Variants in SFXN5 observed in about 807,000 individuals in gnomAD.
The protein encoded by SFXN5 is sideroflexin-5.
SFXN5 carries 43 observed loss-of-function variants against 50.2 expected under a neutral mutation model. The ratio of observed to expected loss-of-function variants is 0.86; its 90% confidence interval spans 0.67 to 1.11. SFXN5 has a LOEUF of 1.11. SFXN5 is among the 50% of genes least tolerant of loss of function. SFXN5 has a pLI of 0.00. For missense variants in SFXN5, 463 were observed against 454.1 expected (o/e 1.02, Z -0.18); for synonymous variants, 203 against 185.8 (o/e 1.09, Z -0.75).
chr2:72,971,598 A>G lies in SFXN5; in HGVS notation c.713T>C (p.Val238Ala). The G allele has an allele frequency of 6.2e-7, 1 of 1,613,988 alleles. No homozygotes were observed. The highest frequency in any genetic ancestry group is 8.5e-7 in the Non-Finnish European group (1 of 1,179,952). Residue 238 changes from valine to alanine, a missense_variant, in exon 11 of 14, where the codon GTG (valine) becomes GCG (alanine). By Grantham distance (64) the Val-to-Ala change is moderately conservative (BLOSUM62 0). Coordinates refer to ENST00000272433, the MANE Select transcript of SFXN5 (RefSeq NM_144579.3). ...IDVLDSDGNLVGSSKIAARHA... is the reference protein window; with the variant it reads ...IDVLDSDGNLAGSSKIAARHA... ...TCGGGCTGCGATCTTGGAGGAGCCCACGAGGTTGCCATCGCTGTCCAGGAC... is the reference window on the plus strand; with the variant it reads ...TCGGGCTGCGATCTTGGAGGAGCCCGCGAGGTTGCCATCGCTGTCCAGGAC...
At chr2:72,996,556 T>G (rs1673275188) in intron 9 of SFXN5, 1 of 149,528 alleles carries the variant, frequency 6.7e-6, no homozygotes, top group African/African-American at 2.5e-5. Context: ...TCGCCCAGTC[T>G]GGAGTGCAGG....
At chr2:72,970,157 G>A (rs922925845) in intron 11 of SFXN5, among the ~76,000 whole-genome samples, 2 of 152,208 alleles carry the variant, frequency 1.3e-5, no homozygotes, top group African/African-American at 4.8e-5. Flanking sequence ...GGGGGGCTGG[G>A]GAAAAGAACA....
intron 1 of SFXN5, among the ~76,000 whole-genome samples, chr2:73,067,059 GAA>G (rs1467841838): frequency 0.047 from 7,018 of 150,916 alleles, 426 homozygotes; most frequent in African/African-American, 0.14. Flanking sequence ...TAAAAAAAAA[GAA>G]AAAACAAATA....
Position 72,945,217 on chromosome 2 carries a change from C to T in SFXN5, c.946-118G>A. 1.1e-6 allele frequency: 1 copy of T among 892,146 alleles called. No homozygotes were observed. Among genetic ancestry groups the T allele is most frequent in the Admixed American group, 2.2e-5 (1 of 46,494 alleles). 55.3% of individuals were successfully genotyped at this position (892,146 alleles called of 1,614,324 possible). ...AGCTCTGCCCCCTGCACCCCCGTGT[C>T]CACCCCAGCCAGGGCTCACATGCCC... On this transcript the variant is annotated intron_variant, in intron 13 of 13. Coordinates refer to ENST00000272433, the MANE Select transcript of SFXN5 (RefSeq NM_144579.3). This position sits in a 1 kb window ranked among gnomAD's most constrained non-coding sequence, Gnocchi z 5.8.
intron 6 of SFXN5, chr2:73,019,490 G>A (rs530507735): frequency 2.0e-5 from 3 of 146,668 alleles, no homozygotes; most frequent in Non-Finnish European, 4.5e-5. Context: ...GTGCACTGGC[G>A]CGATCTCGGC....
At chr2:72,971,235 G>A (rs1223956094) in intron 11 of SFXN5, among the ~76,000 whole-genome samples, 3 of 152,038 alleles carry the variant, frequency 2.0e-5, no homozygotes, top group Non-Finnish European at 2.9e-5. Context: ...GGTAGGGCCC[G>A]GGCAGAGGCA....
At chr2:73,023,264 T>C (rs1346957777) in intron 3 of SFXN5, 50 bp from the exon 4 acceptor site, 3 of 1,541,162 alleles carry the variant, frequency 1.9e-6, no homozygotes, top group Admixed American at 1.9e-5. Context: ...ATTAAAAGCA[T>C]ATATCGGTTT....
chr2:72,971,903 C>T (rs1670051156), intron 10 of SFXN5, among the ~76,000 whole-genome samples: 1 of 152,194 alleles, frequency 6.6e-6, no homozygotes, highest in South Asian at 2.1e-4. Flanking sequence ...TGGAAAAGAA[C>T]AGGTATCAGG....
At chr2:73,071,524 G>C (rs1161925900) in intron 1 of SFXN5, 80 bp downstream of exon 1, 3 of 1,371,464 alleles carry the variant, frequency 2.2e-6, no homozygotes, top group Non-Finnish European at 3.0e-6. Flanking sequence ...AGACCCTTGG[G>C]CGGAAGGGGA....
At chr2:72,987,143 G>A (rs775384813) in intron 10 of SFXN5, among the ~76,000 whole-genome samples, 11 of 152,026 alleles carry the variant, frequency 7.2e-5, no homozygotes, top group Middle Eastern at 6.8e-3. Context: ...TTTTTGAGAC[G>A]GAGTCTCACT....
chr2:73,030,783 A>G (rs2105881050), intron 3 of SFXN5, among the ~76,000 whole-genome samples: 1 of 152,304 alleles, frequency 6.6e-6, no homozygotes, highest in South Asian at 2.1e-4. Context: ...GCTATTACAA[A>G]TCATGTTCTG....
intron 6 of SFXN5, among the ~76,000 whole-genome samples, chr2:73,005,895 C>T (rs916771052): frequency 6.6e-6 from 1 of 151,328 alleles, no homozygotes; most frequent in Non-Finnish European, 1.5e-5. Context: ...ACTCCTGACT[C>T]CTTTTATTAA....
intron 10 of SFXN5, among the ~76,000 whole-genome samples, chr2:72,981,968 T>C (rs1393700565): frequency 1.2e-4 from 1 of 8,468 alleles, no homozygotes; most frequent in Non-Finnish European, 9.3e-4. Flanking sequence ...TGGAACTTTG[T>C]GTGTGTGTGT....
At chr2:73,049,628 C>T (rs546041129) in intron 2 of SFXN5, 40 of 152,278 alleles carry the variant, frequency 2.6e-4, no homozygotes, top group African/African-American at 9.4e-4. Flanking sequence ...TCTTAAAGAT[C>T]CCACCTCTTA....
intron 1 of SFXN5, chr2:73,059,915 A>C (rs1169089082): frequency 2.1e-6 from 2 of 961,060 alleles, no homozygotes; most frequent in Admixed American, 6.2e-5. Flanking sequence ...CATTCTTTAC[A>C]AAGGTGGATG....
intron 10 of SFXN5, among the ~76,000 whole-genome samples, chr2:72,978,461 T>G (rs1670908423): frequency 6.6e-6 from 1 of 151,980 alleles, no homozygotes; most frequent in African/African-American, 2.4e-5. Context: ...TTTTGTATTT[T>G]TAGTAGAGAT....
At chr2:72,969,889 G>A (rs1674947615) in intron 11 of SFXN5, among the ~76,000 whole-genome samples, 1 of 152,010 alleles carries the variant, frequency 6.6e-6, no homozygotes, top group Non-Finnish European at 1.5e-5. Context: ...GGGATTCCTG[G>A]GGTGGGAGTG....
At chr2:72,999,635 T>C (rs1379095287) in intron 8 of SFXN5, among the ~76,000 whole-genome samples, 1 of 151,764 alleles carries the variant, frequency 6.6e-6, no homozygotes, top group East Asian at 2.0e-4. Flanking sequence ...GTGAAGCCTA[T>C]GAGAGAGACT....
At chr2:73,034,052 T>C (rs1369627998) in intron 3 of SFXN5, among the ~76,000 whole-genome samples, 1 of 152,228 alleles carries the variant, frequency 6.6e-6, no homozygotes. Flanking sequence ...CAGGTCACTC[T>C]GTGTGCTGTA....
Sources: gnomAD v4.1 joint callset for allele counts (sites outside exome capture counted in the v4.1 genomes callset) on GRCh38, gnomAD v4.1.1 for gene constraint, Gnocchi (gnomAD v3.1) non-coding constraint, MANE v1.5 for transcripts, NCBI Gene and HGNC (gene_info 2026-07-23, HGNC 2026-07-21) for gene names.